The following PSIP1 variants were observed in gnomAD, a reference collection of about 807,000 sequenced individuals.
PSIP1 encodes the protein PC4 and SFRS1-interacting protein.
Under a neutral mutation model 74.7 loss-of-function variants are expected in PSIP1, and 19 were observed. That is an observed-to-expected ratio of 0.25 (90% CI 0.18 to 0.37). PSIP1 has a LOEUF of 0.37. Ranked by LOEUF, PSIP1 falls within the 10% of genes least tolerant of loss-of-function variation. PSIP1 has a pLI of 1.00. For synonymous variants in PSIP1, 222 were observed against 195.3 expected (o/e 1.14, Z -1.14); for missense variants, 601 against 614.3 (o/e 0.98, Z 0.23).
chr9:15,476,801 C>T (rs1444212777), intron 8 of PSIP1, among the ~76,000 whole-genome samples: 4 of 152,110 alleles, frequency 2.6e-5, no homozygotes, highest in Admixed American at 2.0e-4. Context: ...ACACCAGACT[C>T]CATCAAAAGA....
intron 3 of PSIP1, among the ~76,000 whole-genome samples, chr9:15,492,973 C>T (rs1223599388): frequency 1.3e-5 from 2 of 152,126 alleles, no homozygotes; most frequent in African/African-American, 4.8e-5. Context: ...TTTTTCCCTC[C>T]TAGGCCTCTC....
chr9:15,490,784 C>G (rs915080816), intron 3 of PSIP1, among the ~76,000 whole-genome samples: 2 of 151,874 alleles, frequency 1.3e-5, no homozygotes, highest in African/African-American at 4.8e-5. Flanking sequence ...TAACTGCACC[C>G]CAAATATAGT....
intron 10 of PSIP1, chr9:15,471,495 A>T (rs2035828950): frequency 1.5e-5 from 15 of 972,196 alleles, no homozygotes; most frequent in Non-Finnish European, 1.8e-5. Context: ...TAATTTTGAG[A>T]TCACAATAAA....
intron 2 of PSIP1, 132 bp downstream of exon 2, chr9:15,509,985 A>T (rs1359673570): frequency 2.3e-6 from 2 of 862,088 alleles, no homozygotes; most frequent in African/African-American, 1.8e-5. Context: ...AACTAAAATG[A>T]AAGGTCAGGT....
chr9:15,469,370 G>C (rs777590970), intron 11 of PSIP1, 34 bp from the exon 12 acceptor site: 19 of 1,397,992 alleles, frequency 1.4e-5, no homozygotes, highest in Admixed American at 8.8e-5. Context: ...ACAGTGAACA[G>C]TTTTTCCAAA....
At chr9:15,496,352 T>C (rs1449690127) in intron 3 of PSIP1, among the ~76,000 whole-genome samples, 1 of 152,224 alleles carries the variant, frequency 6.6e-6, no homozygotes, top group Non-Finnish European at 1.5e-5. Flanking sequence ...AATTCCACTT[T>C]TAACAGACAG....
chr9:15,505,997 G>A (rs2037569578), intron 3 of PSIP1: 1 of 152,136 alleles, frequency 6.6e-6, no homozygotes. Flanking sequence ...GAAATTAACG[G>A]TAGCCTCCTG....
At chr9:15,491,761 T>C (rs2036843014) in intron 3 of PSIP1, among the ~76,000 whole-genome samples, 1 of 152,114 alleles carries the variant, frequency 6.6e-6, no homozygotes, top group Non-Finnish European at 1.5e-5. Context: ...GGGTAATTTA[T>C]AAAGAAAAGA....
At chr9:15,478,667 C>T (rs1563875398) in intron 7 of PSIP1, 115 bp from the exon 8 acceptor site, 1 of 681,562 alleles carries the variant, frequency 1.5e-6, no homozygotes, top group Non-Finnish European at 2.5e-6. Flanking sequence ...TAGCTTATTA[C>T]AGATACAATT....
chr9:15,470,163 GC>G (rs1367862748), intron 10 of PSIP1, among the ~76,000 whole-genome samples, 170 bp from the exon 11 acceptor site: 5 of 152,144 alleles, frequency 3.3e-5, no homozygotes, highest in South Asian at 4.1e-4. Context: ...ATAAATATAA[GC>G]AAAACTCTAA....
At chr9:15,480,637 T>C (rs776899505) in intron 6 of PSIP1, among the ~76,000 whole-genome samples, 10 of 152,196 alleles carry the variant, frequency 6.6e-5, no homozygotes, top group African/African-American at 2.2e-4. Context: ...AATCTCTATA[T>C]AGGGCTGGAC....
chr9:15,468,517 T>G (rs1324262787), intron 14 of PSIP1, 113 bp downstream of exon 14: 1 of 1,210,094 alleles, frequency 8.3e-7, no homozygotes, highest in Non-Finnish European at 1.2e-6. Flanking sequence ...TGCCTTTGTA[T>G]ACTTTTTCTG....
At chr9:15,469,176 T>G (rs550160847) in intron 12 of PSIP1, 90 bp downstream of exon 12, 1 of 1,316,370 alleles carries the variant, frequency 7.6e-7, no homozygotes, top group Admixed American at 2.2e-5. Flanking sequence ...AATTATCCCT[T>G]AAATTTACAT....
chr9:15,492,375 A>G (rs1309921971), intron 3 of PSIP1: 1 of 152,274 alleles, frequency 6.6e-6, no homozygotes, highest in Non-Finnish European at 1.5e-5. Flanking sequence ...GGGGCAGTCA[A>G]GTTCCAAAAT....
At chr9:15,478,640 C>A (rs2036202102) in intron 7 of PSIP1, 88 bp from the exon 8 acceptor site, 1 of 910,592 alleles carries the variant, frequency 1.1e-6, no homozygotes, top group Non-Finnish European at 1.8e-6. Flanking sequence ...ATGATACATA[C>A]TATTTAAGAA....
chr9:15,477,176 A>T (rs958330796), intron 8 of PSIP1, among the ~76,000 whole-genome samples: 3 of 152,188 alleles, frequency 2.0e-5, no homozygotes, highest in Admixed American at 1.3e-4. Context: ...ATTTCACTAT[A>T]ATAGTTAAAG....
chr9:15,487,110 C>T (rs1170366077), intron 4 of PSIP1, among the ~76,000 whole-genome samples, 179 bp from the exon 5 acceptor site: 1 of 151,014 alleles, frequency 6.6e-6, no homozygotes, highest in Non-Finnish European at 1.5e-5. Context: ...CATCCTCCCT[C>T]CTCAGCCTGA....
At chr9:15,481,704 G>A (rs1170283387) in intron 6 of PSIP1, among the ~76,000 whole-genome samples, 1 of 151,850 alleles carries the variant, frequency 6.6e-6, no homozygotes, top group Non-Finnish European at 1.5e-5. Context: ...AAGAATTATA[G>A]GTAAAAGAGA....
intron 10 of PSIP1, chr9:15,470,506 CATTTT>C (rs2035778794): frequency 1.3e-6 from 1 of 784,142 alleles, no homozygotes; most frequent in Non-Finnish European, 1.5e-6. Flanking sequence ...CAAAAGGTAC[CATTTT>C]ATTGTCAATC....
Sources: gnomAD v4.1 joint callset for allele counts (sites outside exome capture counted in the v4.1 genomes callset) on GRCh38, gnomAD v4.1.1 for gene constraint, MANE v1.5 for transcripts, NCBI Gene and HGNC (gene_info 2026-07-23, HGNC 2026-07-21) for gene names.